GRIK4: variants seen among roughly 807,000 people sequenced by gnomAD.
GRIK4 encodes the protein glutamate receptor ionotropic, kainate 4.
Under a neutral mutation model 104.9 loss-of-function variants are expected in GRIK4, and 40 were observed. The observed-to-expected ratio is 0.38, with a 90% confidence interval of 0.30 to 0.50. GRIK4 has a LOEUF of 0.50. GRIK4 is among the 20% of genes least tolerant of loss of function. The pLI is 0.93. For missense variants in GRIK4, 1,047 were observed against 1,308.1 expected (o/e 0.80, Z 3.08); for synonymous variants, 485 against 524.9 (o/e 0.92, Z 1.04).
chr11:120,867,371 C>T (rs1233746995), intron 9 of GRIK4, among the ~76,000 whole-genome samples: 1 of 152,168 alleles, frequency 6.6e-6, no homozygotes, highest in Non-Finnish European at 1.5e-5. Context: ...AAGCCTGGTT[C>T]TGTCCCCACC....
chr11:120,533,256 G>C (rs1431500175), intron 1 of GRIK4, among the ~76,000 whole-genome samples: 2 of 152,198 alleles, frequency 1.3e-5, no homozygotes, highest in East Asian at 3.8e-4. Flanking sequence ...TCTAGAGTGA[G>C]AGATGGCAGA....
chr11:120,951,646 G>C (rs1326560301), intron 14 of GRIK4, among the ~76,000 whole-genome samples: 4 of 152,168 alleles, frequency 2.6e-5, no homozygotes, highest in Non-Finnish European at 5.9e-5. Context: ...ATAGTCCTTA[G>C]GGTGCATCTA....
intron 1 of GRIK4, among the ~76,000 whole-genome samples, chr11:120,593,554 A>C (rs111265248): frequency 6.8e-6 from 1 of 147,766 alleles, no homozygotes; most frequent in Non-Finnish European, 1.5e-5. Flanking sequence ...CTCCCCCTTT[A>C]CTCCTGTCTA....
chr11:120,802,918 G>A, intron 4 of GRIK4, 61 bp downstream of exon 4: 3 of 1,422,858 alleles, frequency 2.1e-6, no homozygotes, highest in South Asian at 2.4e-5. Flanking sequence ...GAGCAGTGGT[G>A]TGAGCTGCAC....
At chr11:120,746,614 G>A (rs762661347) in intron 3 of GRIK4, among the ~76,000 whole-genome samples, 5 of 152,170 alleles carry the variant, frequency 3.3e-5, no homozygotes, top group Non-Finnish European at 5.9e-5. Context: ...GGTAGCAAGC[G>A]GGGAGGAGCT....
rs1942857971 is a variant in GRIK4 at position 120,905,898 on chromosome 11, A to T, written c.1476+405A>T. On this transcript the variant is annotated intron_variant, in intron 13 of 20. Transcript: ENST00000527524. This position sits in a 1 kb window ranked among gnomAD's most constrained non-coding sequence, Gnocchi z 5.1. ...ATCAGCTGGCTTGGATCCTTGAGAG[A>T]CACTGCCAAGGGAGACGTGGCTAAA... 6.6e-6 allele frequency among the ~76,000 whole-genome samples: 1 copy of T among 152,224 alleles called. No homozygotes were observed. The highest frequency in any genetic ancestry group is 2.1e-4 in the South Asian group (1 of 4,824).
intron 16 of GRIK4, among the ~76,000 whole-genome samples, chr11:120,960,444 A>T (rs536048915): frequency 6.6e-6 from 1 of 152,316 alleles, no homozygotes; most frequent in Admixed American, 6.5e-5. Flanking sequence ...AGCTCTAGGG[A>T]TTAAGTGAGA....
intron 8 of GRIK4, among the ~76,000 whole-genome samples, chr11:120,854,148 T>C (rs1477144663): frequency 5.3e-5 from 8 of 152,224 alleles, no homozygotes. Flanking sequence ...TTATACTCAG[T>C]AATAAATTGA....
At chr11:120,608,399 G>A (rs181792070) in intron 1 of GRIK4, among the ~76,000 whole-genome samples, 1 of 152,370 alleles carries the variant, frequency 6.6e-6, no homozygotes, top group East Asian at 1.9e-4. Flanking sequence ...AAATCACTAG[G>A]CTAAGAGGAC....
intron 1 of GRIK4, among the ~76,000 whole-genome samples, chr11:120,569,406 T>G (rs1948369970): frequency 6.6e-6 from 1 of 152,234 alleles, no homozygotes; most frequent in African/African-American, 2.4e-5. Flanking sequence ...ATCCATTATC[T>G]GACTTGATCC....
chr11:120,793,967 G>A (rs1952455171), intron 3 of GRIK4, among the ~76,000 whole-genome samples: 1 of 150,714 alleles, frequency 6.6e-6, no homozygotes, highest in African/African-American at 2.4e-5. Flanking sequence ...GAAGGGTGGT[G>A]TTAGGGCTGA....
chr11:120,712,348 GCC>G (rs1950750400), intron 3 of GRIK4, among the ~76,000 whole-genome samples: 1 of 152,244 alleles, frequency 6.6e-6, no homozygotes, highest in South Asian at 2.1e-4. Context: ...AAGAAACCAG[GCC>G]TGCTGGCCTA....
Position 120,687,334 on chromosome 11 carries a change from C to A in GRIK4, c.82+26934C>A, listed in dbSNP as rs553450349. Among the ~76,000 whole-genome samples the A allele has an allele frequency of 3.3e-5, 5 of 152,256 alleles. No homozygotes were observed. In the South Asian group the frequency reaches 1.0e-3, roughly 32 times the overall value. ...CCATACTGCTTTAATGAACCTCCAGCGCTTTAAGATGTTTCTTAATCACTT... is the reference window on the plus strand; with the variant it reads ...CCATACTGCTTTAATGAACCTCCAGAGCTTTAAGATGTTTCTTAATCACTT... On this transcript the variant is annotated intron_variant, in intron 3 of 20. Coordinates refer to ENST00000527524, the MANE Select transcript of GRIK4 (RefSeq NM_014619.5).
chr11:120,686,798 C>G (rs1591804255), intron 3 of GRIK4, among the ~76,000 whole-genome samples: 1 of 152,216 alleles, frequency 6.6e-6, no homozygotes, highest in Non-Finnish European at 1.5e-5. Flanking sequence ...ACCTGGGAAA[C>G]TGAAGGTGGT....
chr11:120,566,975 T>C, intron 1 of GRIK4, among the ~76,000 whole-genome samples: 1 of 139,072 alleles, frequency 7.2e-6, no homozygotes, highest in African/African-American at 3.0e-5. Context: ...CTAATTTTTT[T>C]TTTTTTTTTT....
At chr11:120,678,058 C>G (rs978972436) in intron 3 of GRIK4, among the ~76,000 whole-genome samples, 9 of 152,204 alleles carry the variant, frequency 5.9e-5, no homozygotes, top group Admixed American at 5.2e-4. Flanking sequence ...CATGCTCTAT[C>G]TATTACACTA....
At chr11:120,794,872 G>A (rs1045511929) in intron 3 of GRIK4, among the ~76,000 whole-genome samples, 10 of 152,224 alleles carry the variant, frequency 6.6e-5, no homozygotes, top group East Asian at 5.8e-4. Flanking sequence ...ATGAGTTGGC[G>A]GCGGGAGCGG....
intron 8 of GRIK4, among the ~76,000 whole-genome samples, chr11:120,842,945 A>G (rs4482033): frequency 0.31 from 46,594 of 152,266 alleles, 8,368 homozygotes; most frequent in East Asian, 0.49. Context: ...CCAGCAACTA[A>G]TGAACCCAGA....
intron 3 of GRIK4, 44 bp downstream of exon 3, chr11:120,660,444 C>A: frequency 7.0e-7 from 1 of 1,431,410 alleles, no homozygotes; most frequent in Non-Finnish European, 9.8e-7. Context: ...CCCACTATCC[C>A]AGGTGTCCAC....
Sources: gnomAD v4.1 joint callset for allele counts (sites outside exome capture counted in the v4.1 genomes callset) on GRCh38, gnomAD v4.1.1 for gene constraint, Gnocchi (gnomAD v3.1) non-coding constraint, MANE v1.5 for transcripts, NCBI Gene and HGNC (gene_info 2026-07-23, HGNC 2026-07-21) for gene names.